SPMIP4: variants seen among roughly 807,000 people sequenced by gnomAD.
The protein encoded by SPMIP4 is sperm-associated microtubule inner protein 4.
At chr7:25,173,091 G>T in the SPMIP4 span, among the ~76,000 whole-genome samples, 1 of 151,768 alleles carries the variant, frequency 6.6e-6, no homozygotes. This position sits in a 1 kb window ranked among gnomAD's most constrained non-coding sequence, Gnocchi z 4.4. Flanking sequence ...AGGGGAGATA[G>T]GTAGGTAGAT....
At chr7:25,136,601 C>T in the SPMIP4 span, 1 of 1,614,128 alleles carries the variant, frequency 6.2e-7, no homozygotes, top group Non-Finnish European at 8.5e-7. This position sits in a 1 kb window ranked among gnomAD's most constrained non-coding sequence, Gnocchi z 5.7. Flanking sequence ...GGTATGTTAT[C>T]ACTAAGTGCC....
chr7:25,157,897 G>A, the SPMIP4 span, among the ~76,000 whole-genome samples: 1 of 152,066 alleles, frequency 6.6e-6, no homozygotes, highest in African/African-American at 2.4e-5. Flanking sequence ...TTAACAATAG[G>A]GGAAGCTGCG....
At chr7:25,160,877 T>A in the SPMIP4 span, among the ~76,000 whole-genome samples, 1 of 152,222 alleles carries the variant, frequency 6.6e-6, no homozygotes, top group Non-Finnish European at 1.5e-5. Context: ...TGTAGCAGAT[T>A]CTTACTAGGT....
the SPMIP4 span, among the ~76,000 whole-genome samples, chr7:25,171,885 C>T: frequency 3.9e-5 from 6 of 152,248 alleles, no homozygotes; most frequent in African/African-American, 1.4e-4. Context: ...TTTGCATCTA[C>T]CCTAAACTTA....
chr7:25,161,045 G>A, the SPMIP4 span: 1 of 525,640 alleles, frequency 1.9e-6, no homozygotes, highest in Non-Finnish European at 3.4e-6. Context: ...TTTGGTCTTG[G>A]TTTCTGGCAT....
At chr7:25,130,208 C>A in the SPMIP4 span, among the ~76,000 whole-genome samples, 1 of 151,224 alleles carries the variant, frequency 6.6e-6, no homozygotes, top group Non-Finnish European at 1.5e-5. Context: ...CACTGCACTG[C>A]GCTCCAACCT....
At chr7:25,162,945 T>G in the SPMIP4 span, among the ~76,000 whole-genome samples, 1 of 151,982 alleles carries the variant, frequency 6.6e-6, no homozygotes, top group African/African-American at 2.4e-5. Flanking sequence ...CTAATTTCTG[T>G]AGAGACAGTT....
chr7:25,158,936 T>C, the SPMIP4 span, among the ~76,000 whole-genome samples: 1 of 152,214 alleles, frequency 6.6e-6, no homozygotes, highest in African/African-American at 2.4e-5. Flanking sequence ...ATTAACTTTC[T>C]GGATTCCTGA....
chr7:25,158,432 G>A, the SPMIP4 span: 5 of 1,015,224 alleles, frequency 4.9e-6, no homozygotes, highest in Admixed American at 2.0e-5. Flanking sequence ...ACACTTCTAA[G>A]ACATAGGAAA....
chr7:25,167,638 T>A, the SPMIP4 span, among the ~76,000 whole-genome samples: 714 of 152,342 alleles, frequency 4.7e-3, 6 homozygotes, highest in African/African-American at 0.016. Flanking sequence ...TTATTTCTTT[T>A]ACCTGCTTTA....
the SPMIP4 span, among the ~76,000 whole-genome samples, chr7:25,140,260 G>A: frequency 2.0e-5 from 3 of 152,286 alleles, no homozygotes; most frequent in African/African-American, 7.2e-5. Flanking sequence ...AGGAAATGCT[G>A]AAGCAAATGT....
chr7:25,176,581 G>C, the SPMIP4 span, among the ~76,000 whole-genome samples: 1 of 152,150 alleles, frequency 6.6e-6, no homozygotes, highest in African/African-American at 2.4e-5. The surrounding 1 kb of genome is among the most constrained non-coding windows in gnomAD (Gnocchi z 4.4). Context: ...AGTGAAAATA[G>C]CAATTGATTT....
At chr7:25,129,509 G>C in the SPMIP4 span, among the ~76,000 whole-genome samples, 1 of 152,182 alleles carries the variant, frequency 6.6e-6, no homozygotes, top group East Asian at 1.9e-4. Flanking sequence ...TGGGGGATGT[G>C]GAAGGGGTGG....
chr7:25,156,549 A>G, the SPMIP4 span, among the ~76,000 whole-genome samples: 1 of 152,178 alleles, frequency 6.6e-6, no homozygotes, highest in African/African-American at 2.4e-5. Context: ...CTGAAACACA[A>G]TTTTTTAAAT....
chr7:25,179,194 G>A, the SPMIP4 span: 2 of 1,609,368 alleles, frequency 1.2e-6, no homozygotes, highest in Non-Finnish European at 1.7e-6. Flanking sequence ...GAGGCAGTTG[G>A]GCGAGTAACC....
the SPMIP4 span, among the ~76,000 whole-genome samples, chr7:25,163,192 T>A: frequency 6.6e-6 from 1 of 152,220 alleles, no homozygotes; most frequent in African/African-American, 2.4e-5. This position sits in a 1 kb window ranked among gnomAD's most constrained non-coding sequence, Gnocchi z 4.4. Flanking sequence ...CTATGATGCA[T>A]CCGTATTGTA....
the SPMIP4 span, among the ~76,000 whole-genome samples, chr7:25,138,262 G>A: frequency 6.6e-6 from 1 of 152,088 alleles, no homozygotes; most frequent in Non-Finnish European, 1.5e-5. The surrounding 1 kb of genome is among the most constrained non-coding windows in gnomAD (Gnocchi z 6.2). Flanking sequence ...TCTGTAAAAG[G>A]CCAAGTAGTA....
chr7:25,162,249 CAACAGAGTGA>C, the SPMIP4 span, among the ~76,000 whole-genome samples: 1 of 133,084 alleles, frequency 7.5e-6, no homozygotes, highest in Non-Finnish European at 1.6e-5. Flanking sequence ...CCAGCCTGGG[CAACAGAGTGA>C]AACTCTGTCT....
chr7:25,134,872 C>A, the SPMIP4 span: 1 of 985,206 alleles, frequency 1.0e-6, no homozygotes, highest in Non-Finnish European at 1.2e-6. Context: ...CATTGTTGCT[C>A]CGATTTCCCC....
Sources: allele counts gnomAD v4.1 joint callset (sites outside exome capture counted in the v4.1 genomes callset), GRCh38; gene constraint gnomAD v4.1.1; non-coding constraint Gnocchi (gnomAD v3.1); transcripts MANE v1.5; gene names NCBI Gene and HGNC (gene_info 2026-07-23, HGNC 2026-07-21).